The following ABCA13 variants were observed in gnomAD, a reference collection of about 807,000 sequenced individuals.
The protein encoded by ABCA13 is ATP-binding cassette sub-family A member 13.
ABCA13 carries 476 observed loss-of-function variants against 478.7 expected under a neutral mutation model. That is an observed-to-expected ratio of 0.99 (90% CI 0.92 to 1.07). The LOEUF (loss-of-function observed/expected upper bound fraction) is 1.07, where lower values mean the gene tolerates loss of function less well. ABCA13 is among the 50% of genes least tolerant of loss of function. The pLI, the probability that ABCA13 is intolerant of heterozygous loss-of-function variation, is 0.00. For missense variants in ABCA13, 6,060 were observed against 5,910.6 expected (o/e 1.03, Z -0.83); for synonymous variants, 2,252 against 2,158.9 (o/e 1.04, Z -1.20).
rs1177130209 is a variant in ABCA13, at chr7:48,274,652, G to A, written c.4986G>A (p.Lys1662=). Residue 1662 remains lysine (K), a synonymous_variant, in exon 17 of 62, where the codon AAG becomes AAA. Coordinates refer to ENST00000435803, the MANE Select transcript of ABCA13 (RefSeq NM_152701.5). ...QNAGYMQALK[K]VTSVMRTLKK... ...CAGGTTATATGCAAGCTTTGAAGAAGGTAACTTCTGTCATGCGTACCCTTA... is the reference window on the plus strand; with the variant it reads ...CAGGTTATATGCAAGCTTTGAAGAAAGTAACTTCTGTCATGCGTACCCTTA... 2.5e-6 allele frequency: 4 copies of A among 1,613,960 alleles called. No individual in the cohort carries two copies. The highest frequency in any genetic ancestry group is 2.2e-5 in the South Asian group (2 of 91,080).
At chr7:48,177,297 T>C (rs770038158) in intron 1 of ABCA13, among the ~76,000 whole-genome samples, 4 of 152,236 alleles carry the variant, frequency 2.6e-5, no homozygotes, top group Non-Finnish European at 5.9e-5. Context: ...GTGAGGTGCC[T>C]GATCTCTCTC....
In ABCA13 at chr7:48,524,278, A is replaced by G; in HGVS notation, c.14082A>G (p.Lys4694=). The change falls in exon 54 of 62, where the codon AAA becomes AAG. Residue 4694 remains lysine, a synonymous_variant. Coordinates refer to ENST00000435803, the MANE Select transcript of ABCA13 (RefSeq NM_152701.5). ...ATTCTACTCTCCAAGGCACAGTCAA[A>G]TCTTCTAAGGATACAGATGTTGAAA... ...RGHSTLQGTV[K]SSKDTDVEKE... is the part of the protein sequence containing the mutation. 1.2e-6 allele frequency: 2 copies of G among 1,612,508 alleles called. No homozygotes were observed. The highest frequency in any genetic ancestry group is 1.7e-6 in the Non-Finnish European group (2 of 1,179,312).
intron 48 of ABCA13, among the ~76,000 whole-genome samples, chr7:48,503,004 G>A (rs1830891437): frequency 6.6e-6 from 1 of 152,136 alleles, no homozygotes; most frequent in Admixed American, 6.5e-5. Flanking sequence ...CTCAGCAAAT[G>A]TTTAGTATGC....
intron 39 of ABCA13, among the ~76,000 whole-genome samples, chr7:48,404,823 A>G (rs1016153608): frequency 1.3e-5 from 2 of 152,234 alleles, no homozygotes; most frequent in Admixed American, 1.3e-4. Context: ...AAAAATAACA[A>G]AAGGGAGCAT....
At chr7:48,411,026 TC>T (rs1451387421) in intron 40 of ABCA13, among the ~76,000 whole-genome samples, 2 of 120,332 alleles carry the variant, frequency 1.7e-5, no homozygotes, top group Admixed American at 9.2e-5. Flanking sequence ...TTTCTTTCTT[TC>T]TTTCTTTCTT....
intron 41 of ABCA13, among the ~76,000 whole-genome samples, chr7:48,423,740 G>A (rs1821072169): frequency 6.6e-6 from 1 of 152,120 alleles, no homozygotes; most frequent in South Asian, 2.1e-4. Flanking sequence ...GCATATTTTT[G>A]TTACATTTTA....
In ABCA13 at chr7:48,372,476, T is replaced by A. The variant is rs75281621; in HGVS notation, c.11112T>A (p.Ser3704Arg). The A allele has an allele frequency of 1.3e-6, 2 of 1,579,638 alleles. No individual in the cohort carries two copies. The highest frequency in any genetic ancestry group is 2.3e-5 in the East Asian group (1 of 44,234). ...TATTGGTTCTACATAACCAATTAAG[T>A]TTTGTTAATCAGACATTTCTGGTAA... ...IVLLVLHNQLSFVNQTFLCLL... is the reference protein window; with the variant it reads ...IVLLVLHNQLRFVNQTFLCLL... Residue 3704 changes from serine to arginine, a missense_variant, in exon 33 of 62, where the codon AGT becomes AGA. Physicochemically the swap from Ser to Arg is moderately radical, Grantham distance 110. This residue lies in a region of ABCA13 where 4,423 missense variants were observed against 4,309.1 expected (regional missense o/e 1.03). Coordinates refer to ENST00000435803, the MANE Select transcript of ABCA13 (RefSeq NM_152701.5).
intron 15 of ABCA13, among the ~76,000 whole-genome samples, chr7:48,266,263 A>G (rs573989360): frequency 6.6e-6 from 1 of 151,782 alleles, no homozygotes; most frequent in South Asian, 2.1e-4. Flanking sequence ...TCTTATATTT[A>G]TAGGTAATCA....
At position 48,272,821 on chromosome 7, in the gene ABCA13, G is replaced by C. The variant is rs774001340; in HGVS notation, c.3155G>C (p.Gly1052Ala). 2.5e-6 allele frequency: 4 copies of C among 1,606,120 alleles called. No homozygotes were observed. In the East Asian group the frequency reaches 9.0e-5, roughly 36 times the overall value. ...GCCCAATCCTTCATGTCTACAGAGG[G>C]CCAAGAACTGGAAGTGATCCACACT... ...LQAQSFMSTE[G>A]QELEVIHTTL... The change falls in exon 17 of 62, where the codon GGC (glycine) becomes GCC (alanine). Residue 1052 changes from glycine to alanine, a missense_variant. Transcript: ENST00000435803.
At position 48,227,246 on chromosome 7, in the gene ABCA13, T is replaced by A; in HGVS notation, c.469-16T>A. The A allele has an allele frequency of 6.4e-7, 1 of 1,568,956 alleles. No individual in the cohort carries two copies. Among genetic ancestry groups the A allele is most frequent in the Non-Finnish European group, 8.7e-7 (1 of 1,155,822 alleles). The stretch of plus-strand genomic sequence containing the variant: ...ACTCCAGAGGGAAACTTTTGGTGTA[T>A]TTTTTTTCCCATCAGATGGATCTCA... On this transcript the variant is annotated splice_polypyrimidine_tract_variant and intron_variant, in intron 5 of 61. Coordinates refer to ENST00000435803, the MANE Select transcript of ABCA13 (RefSeq NM_152701.5).
At chr7:48,622,745 C>G (rs768828783) in intron 59 of ABCA13, among the ~76,000 whole-genome samples, 3 of 152,194 alleles carry the variant, frequency 2.0e-5, no homozygotes, top group Non-Finnish European at 4.4e-5. Flanking sequence ...ATAGTGCTTA[C>G]TGTATGCCAG....
chr7:48,191,016 G>C (rs557592413), intron 1 of ABCA13, among the ~76,000 whole-genome samples: 1 of 152,136 alleles, frequency 6.6e-6, no homozygotes, highest in East Asian at 1.9e-4. Flanking sequence ...AAAAACCCAA[G>C]AAAATTATGT....
rs377087607 is a variant in ABCA13 at position 48,310,045 on chromosome 7, C to G, written c.9420C>G (p.Ile3140Met). 6 of 1,613,816 alleles carry G rather than the reference C, an allele frequency of 3.7e-6. No homozygotes were observed. The South Asian group carries it at 5.5e-5, about 15-fold the overall frequency. Residue 3140 changes from isoleucine to methionine, a missense_variant, in exon 24 of 62, where the codon ATC becomes ATG. Ile to Met is a conservative substitution (Grantham distance 10). This residue lies in a region of ABCA13 where 4,423 missense variants were observed against 4,309.1 expected (regional missense o/e 1.03). Coordinates refer to ENST00000435803, the MANE Select transcript of ABCA13 (RefSeq NM_152701.5). ...LTFPKGEKSWIAAEELCSLPG... is the reference protein window; with the variant it reads ...LTFPKGEKSWMAAEELCSLPG... ...TTCCCAAAGGGGAAAAATCTTGGAT[C>G]GCAGCGGAGGAACTCTGTAGCCTGC...
intron 31 of ABCA13, among the ~76,000 whole-genome samples, chr7:48,358,916 T>C (rs1451841934): frequency 1.3e-5 from 2 of 151,974 alleles, no homozygotes; most frequent in African/African-American, 4.8e-5. Flanking sequence ...CATCTCACCT[T>C]CTAAGTTTAT....
Position 48,272,408 on chromosome 7 carries a change from A to G in ABCA13, c.2742A>G (p.Ser914=). Residue 914 remains serine, a synonymous_variant, in exon 17 of 62, where the codon TCA becomes TCG. Transcript: ENST00000435803. ...EFGFLEQEQI[S]EALNTVYAIR... is the part of the protein sequence containing the mutation. Reference sequence around the variant, plus strand: ...GATTTTTGGAGCAGGAACAGATCTCAGAAGCTCTGAACACAGTCTACGCTA... The same window carrying G: ...GATTTTTGGAGCAGGAACAGATCTCGGAAGCTCTGAACACAGTCTACGCTA... 1 of 1,613,832 alleles carries G rather than the reference A, an allele frequency of 6.2e-7. No individual in the cohort carries two copies. The highest frequency in any genetic ancestry group is 8.5e-7 in the Non-Finnish European group (1 of 1,179,778).
chr7:48,536,119 G>C (rs1833560384), intron 55 of ABCA13, among the ~76,000 whole-genome samples: 1 of 152,224 alleles, frequency 6.6e-6, no homozygotes, highest in Admixed American at 6.5e-5. Context: ...CTGAGCAGGA[G>C]CTGCAGGCTA....
At position 48,483,172 on chromosome 7, in the gene ABCA13, A is replaced by G; in HGVS notation, c.13182+9A>G. 3 of 1,597,434 alleles carry G rather than the reference A, an allele frequency of 1.9e-6. No individual in the cohort carries two copies. Among genetic ancestry groups the G allele is most frequent in the Non-Finnish European group, 2.6e-6 (3 of 1,170,568 alleles). Reference sequence around the variant, plus strand: ...CCCCAACTCTGGCAAAGGTAATCATATTTTTTTATTTTTTTCCTGTTTTAG... The same window carrying G: ...CCCCAACTCTGGCAAAGGTAATCATGTTTTTTTATTTTTTTCCTGTTTTAG... On this transcript the variant is annotated intron_variant, in intron 47 of 61. Transcript: ENST00000435803.
chr7:48,471,903 T>C (rs974995294), intron 45 of ABCA13, among the ~76,000 whole-genome samples: 1 of 152,152 alleles, frequency 6.6e-6, no homozygotes, highest in African/African-American at 2.4e-5. Context: ...AGAATTGCCC[T>C]AAGGAAGGAA....
intron 21 of ABCA13, 23 bp downstream of exon 21, chr7:48,295,886 GCCC>G: frequency 6.3e-7 from 1 of 1,578,838 alleles, no homozygotes; most frequent in Non-Finnish European, 8.6e-7. Context: ...ATTCTTTCAT[GCCC>G]TCCCCAGTAC....
Sources: gnomAD v4.1 joint callset for allele counts (sites outside exome capture counted in the v4.1 genomes callset) on GRCh38, gnomAD v4.1.1 for gene constraint, gnomAD v4.1.1 regional missense constraint, MANE v1.5 for transcripts, NCBI Gene and HGNC (gene_info 2026-07-23, HGNC 2026-07-21) for gene names.